The following COL6A1 variants were observed in gnomAD, a reference collection of about 807,000 sequenced individuals.
COL6A1 encodes collagen alpha-1(VI) chain.
In COL6A1, 80 loss-of-function variants were observed where a neutral mutation model predicts 145.6. The observed-to-expected ratio is 0.55, with a 90% confidence interval of 0.46 to 0.66. The LOEUF is 0.66. Ranked by LOEUF, COL6A1 falls within the 30% of genes least tolerant of loss-of-function variation. The pLI, the probability that COL6A1 is intolerant of heterozygous loss-of-function variation, is 0.00. For missense variants in COL6A1, 1,364 were observed against 1,473.8 expected, an observed-to-expected ratio of 0.93 and a Z score of 1.22; for synonymous variants, 638 against 622.8, an observed-to-expected ratio of 1.02 and a Z score of -0.36.
chr21:45,999,808 G>A (rs1449563297), intron 27 of COL6A1, 116 bp downstream of exon 27: 16 of 856,988 alleles, frequency 1.9e-5, no homozygotes, highest in Non-Finnish European at 2.1e-5. Flanking sequence ...GGTGGGTTGT[G>A]GACAAAGAGC....
At position 45,996,661 on chromosome 21, in the gene COL6A1, C is replaced by T. The variant is rs557302743; in HGVS notation, c.1399-760C>T. Among the ~76,000 whole-genome samples the T allele has an allele frequency of 1.8e-3, 277 of 152,216 alleles. 1 individual carries two copies. The highest frequency in any genetic ancestry group is 6.4e-3 in the African/African-American group (266 of 41,492). On this transcript the variant is annotated intron_variant, in intron 20 of 34. Transcript: ENST00000361866. Reference sequence around the variant, plus strand: ...GGCCAGGTGGGCCAGGTGGGCCGGGCGATGTGTACACGGCTCCCTTCTTGG... The same window carrying T: ...GGCCAGGTGGGCCAGGTGGGCCGGGTGATGTGTACACGGCTCCCTTCTTGG...
At chr21:45,989,169 A>G in intron 9 of COL6A1, 32 bp downstream of exon 9, 2 of 1,574,722 alleles carry the variant, frequency 1.3e-6, no homozygotes, top group Non-Finnish European at 1.7e-6. Flanking sequence ...GGGGGCCCTA[A>G]GAAGCTGGAG....
At chr21:45,986,389 C>A in intron 3 of COL6A1, 137 bp from the exon 4 acceptor site, 1 of 789,400 alleles carries the variant, frequency 1.3e-6, no homozygotes, top group Non-Finnish European at 2.1e-6. Flanking sequence ...TCAGTAACCC[C>A]CACCGTATAG....
chr21:45,985,637 C>T (rs1010565271), intron 3 of COL6A1, among the ~76,000 whole-genome samples: 33 of 152,240 alleles, frequency 2.2e-4, no homozygotes, highest in African/African-American at 9.6e-5. Context: ...CAGAGGGGAA[C>T]GTGGCCTCCC....
Position 46,004,749 on chromosome 21 carries a change from A to C in COL6A1, c.*736A>C. The C allele has an allele frequency of 2.3e-6, 1 of 442,426 alleles. No homozygotes were observed. Among genetic ancestry groups the C allele is most frequent in the Non-Finnish European group, 4.6e-6 (1 of 218,342 alleles). The allele number at this position is 442,426 out of a possible 1,614,324, so 27.4% of individuals were successfully genotyped here. A position where few individuals can be genotyped will look rare whatever the true frequency, so the allele number is the denominator to read the frequency against. On this transcript the variant is annotated 3_prime_UTR_variant, in exon 35 of 35. Coordinates refer to ENST00000361866, the MANE Select transcript of COL6A1 (RefSeq NM_001848.3). The stretch of plus-strand genomic sequence containing the variant: ...GCTGACCAGCACTGACCCCGACCTC[A>C]GAGAGTACTCGCAGGGGCGCTGGCT...
In COL6A1 at chr21:46,004,345, T is replaced by G; in HGVS notation, c.*332T>G. ...CAGCCCTGAGCTGGCCTCACCTGGGTTCCCCACCCCGGGCTCTCCTGCCCT... is the reference window on the plus strand; with the variant it reads ...CAGCCCTGAGCTGGCCTCACCTGGGGTCCCCACCCCGGGCTCTCCTGCCCT... On this transcript the variant is annotated 3_prime_UTR_variant, in exon 35 of 35. Transcript: ENST00000361866. 7 of 421,068 alleles carry G rather than the reference T, an allele frequency of 1.7e-5. No individual in the cohort carries two copies. The highest frequency in any genetic ancestry group is 4.8e-5 in the East Asian group (1 of 20,942). The allele number at this position is 421,068 out of a possible 1,614,324, so 26.1% of individuals were successfully genotyped here. A position where few individuals can be genotyped will look rare whatever the true frequency, so the allele number is the denominator to read the frequency against.
intron 27 of COL6A1, among the ~76,000 whole-genome samples, chr21:45,999,943 ACGTGTG>A (rs1569518902): frequency 0.023 from 28 of 1,216 alleles, 5 homozygotes; most frequent in African/African-American, 0.034. Flanking sequence ...CATGGGGGGG[ACGTGTG>A]AGGATCATGG....
intron 3 of COL6A1, among the ~76,000 whole-genome samples, chr21:45,986,138 C>T (rs750055384): frequency 2.2e-4 from 33 of 152,182 alleles, no homozygotes; most frequent in Non-Finnish European, 4.1e-4. Context: ...GCAAGAGCCA[C>T]GGTGACCGAG....
rs2077870048 is a variant in COL6A1, at chr21:46,004,487, TCTC to T, written c.*478_*480del. On this transcript the variant is annotated 3_prime_UTR_variant, in exon 35 of 35. Coordinates refer to ENST00000361866, the MANE Select transcript of COL6A1 (RefSeq NM_001848.3). ...GGGGCCTGTGCCGCACTAGCCTCCC[TCTC>T]CTCTGTCCCCATAGCTGGTTTTTCC... 1 of 309,252 alleles carries T rather than the reference TCTC, an allele frequency of 3.2e-6. No individual in the cohort carries two copies. The highest frequency in any genetic ancestry group is 6.5e-6 in the Non-Finnish European group (1 of 152,944). 19.2% of individuals were successfully genotyped at this position (309,252 alleles called of 1,614,324 possible).
rs1411184556 is a variant in COL6A1, at chr21:45,982,768, G to C, written c.227+5G>C. The C allele has an allele frequency of 2.5e-6, 4 of 1,611,820 alleles. No individual in the cohort carries two copies. The highest frequency in any genetic ancestry group is 3.4e-6 in the Non-Finnish European group (4 of 1,179,916). On this transcript the variant is annotated splice_donor_5th_base_variant and intron_variant, in intron 2 of 34. Transcript: ENST00000361866. ...CATCGACAACCTGAGGGACAGGTAG[G>C]AGGGACGCCCCGTGACCTTCCTCCT...
chr21:45,999,625 C>T, intron 26 of COL6A1, 32 bp from the exon 27 acceptor site: 1 of 1,612,556 alleles, frequency 6.2e-7, no homozygotes, highest in South Asian at 1.1e-5. Context: ...GCTCCTCACC[C>T]TCAGAGCTCC....
At chr21:45,990,168 C>T in intron 11 of COL6A1, 90 bp from the exon 12 acceptor site, 1 of 1,519,852 alleles carries the variant, frequency 6.6e-7, no homozygotes, top group South Asian at 1.1e-5. Context: ...TTGGGGGCAC[C>T]CAAGCCCCTG....
At chr21:45,998,583 A>C in intron 24 of COL6A1, 150 bp downstream of exon 24, 1 of 1,133,214 alleles carries the variant, frequency 8.8e-7, no homozygotes. Context: ...GTCTGTGGCC[A>C]CAGCCCCAGT....
intron 2 of COL6A1, 48 bp from the exon 3 acceptor site, chr21:45,984,221 G>A: frequency 6.5e-7 from 1 of 1,549,302 alleles, no homozygotes; most frequent in Non-Finnish European, 8.7e-7. Flanking sequence ...GGGTAGCGAT[G>A]GCGCCAGGGG....
In COL6A1 at chr21:46,003,115, T is replaced by G; in HGVS notation, c.2435-5T>G. 1 of 1,614,062 alleles carries G rather than the reference T, an allele frequency of 6.2e-7. No individual in the cohort carries two copies. Among genetic ancestry groups the G allele is most frequent in the Non-Finnish European group, 8.5e-7 (1 of 1,179,956 alleles). On this transcript the variant is annotated splice_polypyrimidine_tract_variant and splice_region_variant and intron_variant, in intron 33 of 34. Coordinates refer to ENST00000361866, the MANE Select transcript of COL6A1 (RefSeq NM_001848.3). ...CTCACACTGCACGGCTTTTCTCTTTTACAGACAAGAAGTGTCCAGATTACA... is the reference window on the plus strand; with the variant it reads ...CTCACACTGCACGGCTTTTCTCTTTGACAGACAAGAAGTGTCCAGATTACA...
chr21:46,001,840 G>A (rs1386051081), intron 30 of COL6A1, 121 bp from the exon 31 acceptor site: 2 of 813,018 alleles, frequency 2.5e-6, no homozygotes, highest in South Asian at 3.1e-5. Flanking sequence ...GGGGACCCAG[G>A]TCCTGAGGTC....
Position 45,986,507 on chromosome 21 carries a change from G to A in COL6A1, c.429-19G>A, listed in dbSNP as rs741956. 0.22 allele frequency: 347,418 copies of A among 1,551,888 alleles called. 42,114 individuals are homozygous for A. Among genetic ancestry groups the A allele is most frequent in the Non-Finnish European group, 0.25 (288,288 of 1,147,506 alleles). On this transcript the variant is annotated intron_variant, in intron 3 of 34. Transcript: ENST00000361866. Reference sequence around the variant, plus strand: ...CCCCCACCTAGTCTCGAGGTCTCACGCTGCCCTCTCCTGTCCAGGGGCTCC... The same window carrying A: ...CCCCCACCTAGTCTCGAGGTCTCACACTGCCCTCTCCTGTCCAGGGGCTCC...
rs1362383556 is a variant in COL6A1 at position 45,987,818 on chromosome 21, G to C, written c.804+164G>C. On this transcript the variant is annotated intron_variant, in intron 8 of 34. Transcript: ENST00000361866. ...GGTCCAGATGGAGGGGACGGCGGGA[G>C]TCCAGATGGAGGGGATGGCGGGGTC... is the stretch of plus-strand genomic sequence containing the variant. 1.1e-3 allele frequency among the ~76,000 whole-genome samples: 10 copies of C among 9,120 alleles called. 1 individual carries two copies. Among genetic ancestry groups the C allele is most frequent in the Admixed American group, 3.7e-3 (3 of 812 alleles). The allele number at this position is 9,120 out of a possible 152,430, so 6.0% of individuals were successfully genotyped here.
At chr21:45,985,273 CAG>C (rs2077732846) in intron 3 of COL6A1, among the ~76,000 whole-genome samples, 4 of 148,934 alleles carry the variant, frequency 2.7e-5, no homozygotes, top group African/African-American at 5.0e-5. Flanking sequence ...GAGATAGAGA[CAG>C]AGGGACAGAG....
Sources: allele counts gnomAD v4.1 joint callset (sites outside exome capture counted in the v4.1 genomes callset), GRCh38; gene constraint gnomAD v4.1.1; transcripts MANE v1.5; gene names NCBI Gene and HGNC (gene_info 2026-07-23, HGNC 2026-07-21).